Variants in MARK1 observed in about 807,000 individuals in gnomAD.
MARK1 encodes the protein microtubule affinity regulating kinase 1.
MARK1 carries 40 observed loss-of-function variants against 96.3 expected under a neutral mutation model. That is an observed-to-expected ratio of 0.42 (90% CI 0.32 to 0.54). The LOEUF is 0.54. MARK1 is among the 20% of genes least tolerant of loss of function. The pLI, the probability that MARK1 is intolerant of heterozygous loss-of-function variation, is 0.16. For missense variants in MARK1, 719 were observed against 984.6 expected, an observed-to-expected ratio of 0.73 and a Z score of 3.61; for synonymous variants, 317 against 341.2, an observed-to-expected ratio of 0.93 and a Z score of 0.78.
At chr1:220,565,380 A>G (rs1053388117) in intron 1 of MARK1, among the ~76,000 whole-genome samples, 1 of 152,194 alleles carries the variant, frequency 6.6e-6, no homozygotes, top group Non-Finnish European at 1.5e-5. Flanking sequence ...GGTAATATCC[A>G]GAGAATACTA....
At position 220,577,720 on chromosome 1, in the gene MARK1, G is replaced by A. The variant is rs147254196; in HGVS notation, c.52-1634G>A. ...TCCTGTGTATCTGGCAGCCTGTAAT[G>A]TGCTGAGTACATAAAGATGAAAAGA... is the stretch of plus-strand genomic sequence containing the variant. On this transcript the variant is annotated intron_variant, in intron 1 of 17. Transcript: ENST00000366917. 4.5e-4 allele frequency among the ~76,000 whole-genome samples: 69 copies of A among 152,330 alleles called. No homozygotes were observed. The Middle Eastern group carries it at 0.017, about 38-fold the overall frequency.
At chr1:220,608,416 T>G (rs1218505721) in intron 6 of MARK1, among the ~76,000 whole-genome samples, 2 of 152,222 alleles carry the variant, frequency 1.3e-5, no homozygotes, top group Non-Finnish European at 2.9e-5. Context: ...TTTATCATTT[T>G]TTATGGCATC....
At chr1:220,578,260 T>C (rs1032982010) in intron 1 of MARK1, among the ~76,000 whole-genome samples, 22 of 152,254 alleles carry the variant, frequency 1.4e-4, no homozygotes, top group African/African-American at 5.3e-4. Context: ...CTAGAAATTT[T>C]ATGTATGTCA....
At chr1:220,579,293 T>C in intron 1 of MARK1, 61 bp from the exon 2 acceptor site, 1 of 1,151,814 alleles carries the variant, frequency 8.7e-7, no homozygotes, top group Middle Eastern at 2.0e-4. Context: ...TTGTACTCTT[T>C]TTACTTGTCC....
At chr1:220,535,822 G>A (rs902369871) in intron 1 of MARK1, among the ~76,000 whole-genome samples, 2 of 152,042 alleles carry the variant, frequency 1.3e-5, no homozygotes, top group African/African-American at 2.4e-5. Flanking sequence ...ATTTGACTGT[G>A]TATGCATGGG....
At chr1:220,528,975 C>T (rs1660115719) in intron 1 of MARK1, 102 bp downstream of exon 1, 7 of 1,232,440 alleles carry the variant, frequency 5.7e-6, no homozygotes, top group Non-Finnish European at 6.7e-6. Flanking sequence ...GGCGCGGCCA[C>T]CCGCGGCAGG....
chr1:220,539,192 A>C (rs1198126676), intron 1 of MARK1, among the ~76,000 whole-genome samples: 7 of 150,968 alleles, frequency 4.6e-5, no homozygotes, highest in African/African-American at 1.7e-4. Context: ...TCAGTATGAT[A>C]TTGGCTGTGG....
intron 9 of MARK1, among the ~76,000 whole-genome samples, chr1:220,628,784 T>C (rs892542528): frequency 6.6e-6 from 1 of 152,090 alleles, no homozygotes; most frequent in Non-Finnish European, 1.5e-5. Flanking sequence ...CTAGAAAGTT[T>C]AATTTAAAAA....
intron 1 of MARK1, among the ~76,000 whole-genome samples, chr1:220,561,358 G>A (rs1215525462): frequency 6.6e-6 from 1 of 151,948 alleles, no homozygotes. Context: ...AAAACATTAC[G>A]AGAATTTCTG....
intron 13 of MARK1, among the ~76,000 whole-genome samples, chr1:220,641,906 T>A (rs1392560755): frequency 6.6e-6 from 1 of 152,298 alleles, no homozygotes; most frequent in East Asian, 1.9e-4. Flanking sequence ...CACAGATTTT[T>A]GCAACTCATG....
intron 3 of MARK1, among the ~76,000 whole-genome samples, chr1:220,589,350 T>C (rs1664839743): frequency 6.6e-6 from 1 of 151,950 alleles, no homozygotes; most frequent in Non-Finnish European, 1.5e-5. Flanking sequence ...AGCAGAGGAA[T>C]GGAAGAGATA....
At chr1:220,533,889 T>G (rs1385581630) in intron 1 of MARK1, among the ~76,000 whole-genome samples, 1 of 152,186 alleles carries the variant, frequency 6.6e-6, no homozygotes, top group Non-Finnish European at 1.5e-5. Context: ...GTCATTTATT[T>G]TTTTCCTCCT....
At chr1:220,581,964 A>G (rs1424995037) in intron 3 of MARK1, among the ~76,000 whole-genome samples, 1 of 152,262 alleles carries the variant, frequency 6.6e-6, no homozygotes, top group Non-Finnish European at 1.5e-5. Context: ...TTATTAGAAT[A>G]TAATGGGACC....
intron 13 of MARK1, among the ~76,000 whole-genome samples, chr1:220,642,623 A>G (rs1668344521): frequency 6.6e-6 from 1 of 152,216 alleles, no homozygotes; most frequent in African/African-American, 2.4e-5. Context: ...ACCAATGGGC[A>G]GCCAGACTGC....
intron 1 of MARK1, among the ~76,000 whole-genome samples, chr1:220,544,146 A>G (rs541559547): frequency 5.3e-5 from 8 of 152,294 alleles, no homozygotes; most frequent in African/African-American, 1.2e-4. Context: ...GAGGAATTTC[A>G]TGTTCTTCCC....
intron 1 of MARK1, among the ~76,000 whole-genome samples, chr1:220,568,380 A>G (rs149919763): frequency 1.1e-4 from 16 of 152,270 alleles, no homozygotes; most frequent in African/African-American, 3.6e-4. Context: ...CATCTAGAGC[A>G]AACGACCTGT....
chr1:220,618,387 G>T lies in MARK1; in HGVS notation c.630G>T (p.Gly210=), dbSNP rs36024488. Residue 210 remains glycine, a synonymous_variant, in exon 8 of 18, where the codon GGG becomes GGT. Coordinates refer to ENST00000366917, the MANE Select transcript of MARK1 (RefSeq NM_018650.5). The surrounding 1 kb of genome is among the most constrained non-coding windows in gnomAD (Gnocchi z 4.6). ...GTTTTAGTAATGAATTTACAGTTGG[G>T]AACAAATTGGACACATTTTGTGGAA... ...DFGFSNEFTV[G]NKLDTFCGSP... 30,969 of 1,613,988 alleles carry T rather than the reference G, an allele frequency of 0.019. 454 individuals carry two copies. The highest frequency in any genetic ancestry group is 0.056 in the Middle Eastern group (340 of 6,062).
chr1:220,615,233 G>A (rs1024966470), intron 6 of MARK1, among the ~76,000 whole-genome samples: 3 of 151,840 alleles, frequency 2.0e-5, no homozygotes, highest in Non-Finnish European at 4.4e-5. Context: ...TCCTTGTTTA[G>A]TCCTTTTCTC....
chr1:220,640,548 C>T (rs1166153277), intron 13 of MARK1, among the ~76,000 whole-genome samples: 1 of 152,192 alleles, frequency 6.6e-6, no homozygotes, highest in Non-Finnish European at 1.5e-5. Context: ...CCACAACCAT[C>T]ACAGACTAGA....
Sources: gnomAD v4.1 joint callset for allele counts (sites outside exome capture counted in the v4.1 genomes callset) on GRCh38, gnomAD v4.1.1 for gene constraint, Gnocchi (gnomAD v3.1) non-coding constraint, MANE v1.5 for transcripts, NCBI Gene and HGNC (gene_info 2026-07-23, HGNC 2026-07-21) for gene names.